Variants in SCAPER observed in about 807,000 individuals in gnomAD.
SCAPER encodes S phase cyclin A-associated protein in the endoplasmic reticulum.
In SCAPER, 98 loss-of-function variants were observed where a neutral mutation model predicts 182.2. The ratio of observed to expected loss-of-function variants is 0.54; its 90% CI spans 0.46 to 0.64. The LOEUF is 0.64. Ranked by LOEUF, SCAPER falls within the 30% of genes least tolerant of loss-of-function variation. The pLI, the probability that SCAPER is intolerant of heterozygous loss-of-function variation, is 0.00. For synonymous variants in SCAPER, 605 were observed against 564.6 expected, an observed-to-expected ratio of 1.07 and a Z score of -1.01; for missense variants, 1,432 against 1,690.0, an observed-to-expected ratio of 0.85 and a Z score of 2.68.
Position 76,434,310 on chromosome 15 carries a change from C to G in SCAPER, c.3079G>C (p.Val1027Leu). The G allele has an allele frequency of 6.3e-7, 1 of 1,585,886 alleles. No individual in the cohort carries two copies. The highest frequency in any genetic ancestry group is 8.6e-7 in the Non-Finnish European group (1 of 1,163,870). ...LMDLLIHQLT[V>L]YVPDENNTIL... ...GTATTATTTTCATCTGGAACATAAA[C>G]CTAGATGAAAAAAAAGTACAGTAAA... Residue 1027 changes from valine (V) to leucine (L), a missense_variant and splice_region_variant, in exon 26 of 32, where the codon GTT becomes CTT. Val to Leu is a conservative substitution (Grantham distance 32). Coordinates refer to ENST00000563290, the MANE Select transcript of SCAPER (RefSeq NM_020843.4).
intron 23 of SCAPER, among the ~76,000 whole-genome samples, chr15:76,555,107 T>C (rs768283970): frequency 2.6e-5 from 4 of 152,096 alleles, no homozygotes; most frequent in Non-Finnish European, 5.9e-5. Flanking sequence ...TAAAAAAAAC[T>C]TCAATAAAGA....
chr15:76,772,408 T>C (rs1313580180), intron 9 of SCAPER, among the ~76,000 whole-genome samples: 2 of 151,922 alleles, frequency 1.3e-5, no homozygotes. Context: ...GAAACCAATT[T>C]TTACAACAAT....
chr15:76,642,828 A>AT lies in SCAPER; in HGVS notation c.2646-21000dup, dbSNP rs555113593. 1.3e-4 allele frequency among the ~76,000 whole-genome samples: 20 copies of AT among 152,136 alleles called. 1 individual carries two copies. The East Asian group carries it at 2.9e-3, about 22-fold the overall frequency. ...AGACTCCAGTTTGAGACATTTTGAG[A>AT]TTTTTTCTAAGATTTTTGAGACATT... On this transcript the variant is annotated intron_variant, in intron 21 of 31. Transcript: ENST00000563290.
intron 23 of SCAPER, among the ~76,000 whole-genome samples, chr15:76,520,453 A>G (rs1249390991): frequency 6.6e-6 from 1 of 152,118 alleles, no homozygotes; most frequent in Admixed American, 6.6e-5. Flanking sequence ...CCTGAGCTTA[A>G]GTGACCCAAC....
chr15:76,407,021 T>A lies in SCAPER; in HGVS notation c.3312-2342A>T, dbSNP rs143805304. ...AACTCTGGGGGTGCTGGTAGTCAACTTGTTACATGGAGAACATCTGCTTAG... is the reference window on the plus strand; with the variant it reads ...AACTCTGGGGGTGCTGGTAGTCAACATGTTACATGGAGAACATCTGCTTAG... On this transcript the variant is annotated intron_variant, in intron 26 of 31. Transcript: ENST00000563290. Among the ~76,000 whole-genome samples the A allele has an allele frequency of 3.0e-3, 455 of 152,318 alleles. 6 individuals carry two copies. The highest frequency in any genetic ancestry group is 0.014 in the Middle Eastern group (4 of 292).
chr15:76,659,529 C>A (rs1011798550), intron 21 of SCAPER, among the ~76,000 whole-genome samples: 13 of 152,206 alleles, frequency 8.5e-5, no homozygotes, highest in African/African-American at 2.9e-4. Context: ...CACAGCCTCC[C>A]AAAGTGTTGG....
At chr15:76,704,144 T>C (rs1250398918) in intron 18 of SCAPER, among the ~76,000 whole-genome samples, 2 of 152,350 alleles carry the variant, frequency 1.3e-5, no homozygotes, top group East Asian at 3.9e-4. Context: ...TACTTTACTT[T>C]TGAGTGATTA....
chr15:76,652,269 AAAAAATAT>A (rs1465814608), intron 21 of SCAPER, among the ~76,000 whole-genome samples: 1 of 17,734 alleles, frequency 5.6e-5, no homozygotes, highest in African/African-American at 2.1e-4. Context: ...AAAAAAAAAA[AAAAAATAT>A]ATATATATAT....
At chr15:76,732,924 A>G (rs2061009341) in intron 16 of SCAPER, among the ~76,000 whole-genome samples, 1 of 152,132 alleles carries the variant, frequency 6.6e-6, no homozygotes, top group African/African-American at 2.4e-5. Context: ...CCTCCTGTCC[A>G]GTGGACATGT....
At position 76,758,375 on chromosome 15, in the gene SCAPER, G is replaced by A. The variant is rs1203167966; in HGVS notation, c.1726-4427C>T. On this transcript the variant is annotated intron_variant, in intron 14 of 31. Coordinates refer to ENST00000563290, the MANE Select transcript of SCAPER (RefSeq NM_020843.4). The stretch of plus-strand genomic sequence containing the variant: ...CCCATTGTATGTTCTCAGCATCCTT[G>A]TCAAAGACCAGTTGCCCATAATTGC... Among the ~76,000 whole-genome samples, 7 of 152,236 alleles carry A rather than the reference G, an allele frequency of 4.6e-5. No individual in the cohort carries two copies. The East Asian group carries it at 1.3e-3, about 29-fold the overall frequency.
At chr15:76,519,842 CA>C (rs1354296494) in intron 23 of SCAPER, among the ~76,000 whole-genome samples, 1 of 152,150 alleles carries the variant, frequency 6.6e-6, no homozygotes, top group Admixed American at 6.5e-5. Context: ...TTTTATGAAA[CA>C]AATGTTAGTT....
chr15:76,776,636 C>A (rs1335821953), intron 8 of SCAPER, among the ~76,000 whole-genome samples: 2 of 152,128 alleles, frequency 1.3e-5, no homozygotes, highest in Non-Finnish European at 2.9e-5. Flanking sequence ...TCAGCAGAAC[C>A]CAGCAGGGAG....
chr15:76,363,030 G>A (rs1223461307), intron 29 of SCAPER, among the ~76,000 whole-genome samples: 1 of 152,058 alleles, frequency 6.6e-6, no homozygotes, highest in Admixed American at 6.6e-5. Context: ...TATGTCACTG[G>A]GACCCCAGCA....
rs56660301 is a variant in SCAPER, at chr15:76,535,521, CAAAAAAAAA to C, written c.2839-30556_2839-30548del. Among the ~76,000 whole-genome samples, 36 of 46,634 alleles carry C rather than the reference CAAAAAAAAA, an allele frequency of 7.7e-4. 1 individual carries two copies. In the East Asian group the frequency reaches 0.013, roughly 17 times the overall value. 30.6% of individuals were successfully genotyped at this position (46,634 alleles called of 152,430 possible). A position where few individuals can be genotyped will look rare whatever the true frequency, so the allele number is the denominator to read the frequency against. ...TGGGCGACAGAGCAAGACTCTGTCT[CAAAAAAAAA>C]AAAAAAAAAAAAAAAAAGAAATTCT... On this transcript the variant is annotated intron_variant, in intron 23 of 31. Coordinates refer to ENST00000563290, the MANE Select transcript of SCAPER (RefSeq NM_020843.4).
intron 23 of SCAPER, among the ~76,000 whole-genome samples, chr15:76,516,093 C>G (rs1034545594): frequency 2.0e-5 from 3 of 151,856 alleles, no homozygotes; most frequent in Admixed American, 6.6e-5. Context: ...GGGCCTTTGT[C>G]AATCATCCTG....
At chr15:76,712,781 T>G (rs33962376) in intron 17 of SCAPER, among the ~76,000 whole-genome samples, 5 of 151,932 alleles carry the variant, frequency 3.3e-5, no homozygotes, top group African/African-American at 1.2e-4. Context: ...TTTTTGTACA[T>G]TGATTTTGTA....
chr15:76,766,827 G>C (rs965480215), intron 11 of SCAPER, 91 bp downstream of exon 11: 2 of 946,490 alleles, frequency 2.1e-6, no homozygotes, highest in South Asian at 3.5e-5. Flanking sequence ...TTCTAAATAG[G>C]ACTAGATGGA....
At chr15:76,390,185 G>A (rs1214845935) in intron 27 of SCAPER, among the ~76,000 whole-genome samples, 1 of 152,108 alleles carries the variant, frequency 6.6e-6, no homozygotes, top group Non-Finnish European at 1.5e-5. Flanking sequence ...CAAACTCCTA[G>A]CCTCAAGTGA....
intron 22 of SCAPER, among the ~76,000 whole-genome samples, chr15:76,584,800 C>T (rs539599585): frequency 1.3e-3 from 196 of 152,290 alleles, no homozygotes; most frequent in Admixed American, 5.8e-3. Context: ...GATCCTCCTG[C>T]CTCAGCCTCC....
Sources: gnomAD v4.1 joint callset for allele counts (sites outside exome capture counted in the v4.1 genomes callset) on GRCh38, gnomAD v4.1.1 for gene constraint, MANE v1.5 for transcripts, NCBI Gene and HGNC (gene_info 2026-07-23, HGNC 2026-07-21) for gene names.